SCHIP1: variants seen among roughly 807,000 people sequenced by gnomAD.
SCHIP1 encodes schwannomin interacting protein 1, also known as schwannomin-interacting protein 1.
SCHIP1 carries 8 observed loss-of-function variants against 29.7 expected under a neutral mutation model. The observed-to-expected ratio is 0.27, with a 90% CI of 0.16 to 0.49. The LOEUF is 0.49. Ranked by LOEUF, SCHIP1 falls within the 20% of genes least tolerant of loss-of-function variation. SCHIP1 has a pLI of 0.99. For missense variants in SCHIP1, 193 were observed against 294.6 expected (o/e 0.66, Z 2.52); for synonymous variants, 76 against 94.9 (o/e 0.80, Z 1.16).
the SCHIP1 span, chr3:159,274,883 T>A: frequency 1.5e-6 from 1 of 647,858 alleles, no homozygotes. Flanking sequence ...TTATTTCCTT[T>A]AGTAGTTTTC....
chr3:159,701,032 T>C, the SCHIP1 span, among the ~76,000 whole-genome samples: 1 of 152,114 alleles, frequency 6.6e-6, no homozygotes, highest in Non-Finnish European at 1.5e-5. Context: ...TGATTAAAGT[T>C]CCTATCTGAT....
chr3:159,746,295 T>C, the SCHIP1 span, among the ~76,000 whole-genome samples: 1 of 152,248 alleles, frequency 6.6e-6, no homozygotes, highest in African/African-American at 2.4e-5. Context: ...TTTCATTCAC[T>C]GAGAAGTTTA....
chr3:159,736,217 G>C, the SCHIP1 span, among the ~76,000 whole-genome samples: 2 of 152,070 alleles, frequency 1.3e-5, no homozygotes, highest in East Asian at 1.9e-4. Context: ...AAAAGAAGTC[G>C]ATGCTGAGGC....
the SCHIP1 span, among the ~76,000 whole-genome samples, chr3:159,782,351 C>CTACTATACCAAATAGCTGGAAGT: frequency 6.6e-6 from 1 of 152,230 alleles, no homozygotes; most frequent in Non-Finnish European, 1.5e-5. Context: ...CAGTTATAAA[C>CTACTATACCAAATAGCTGGAAGT]TACTATACCA....
the SCHIP1 span, among the ~76,000 whole-genome samples, chr3:159,660,656 G>A: frequency 1.3e-5 from 2 of 152,130 alleles, no homozygotes; most frequent in Non-Finnish European, 2.9e-5. Context: ...CTCAAGGCTC[G>A]AATTAATAAA....
chr3:159,711,233 C>T, the SCHIP1 span, among the ~76,000 whole-genome samples: 4 of 125,874 alleles, frequency 3.2e-5, 1 homozygote, highest in African/African-American at 8.5e-5. Context: ...TAGTGGCGGG[C>T]GCCTGTAGTC....
At chr3:159,370,676 C>CA in the SCHIP1 span, among the ~76,000 whole-genome samples, 6 of 151,962 alleles carry the variant, frequency 3.9e-5, no homozygotes, top group East Asian at 1.9e-4. Context: ...CCAGAGAGAA[C>CA]AAAAAAGTGG....
At chr3:159,405,899 A>G in the SCHIP1 span, among the ~76,000 whole-genome samples, 1 of 151,420 alleles carries the variant, frequency 6.6e-6, no homozygotes, top group Non-Finnish European at 1.5e-5. Context: ...AAAAAAAGAA[A>G]AGAAAAGGAA....
At chr3:159,314,922 A>G in the SCHIP1 span, among the ~76,000 whole-genome samples, 19 of 152,108 alleles carry the variant, frequency 1.2e-4, no homozygotes, top group Admixed American at 1.2e-3. Context: ...GGGCATTTGG[A>G]TTATTTCCAG....
the SCHIP1 span, among the ~76,000 whole-genome samples, chr3:159,394,595 C>G: frequency 3.3e-5 from 5 of 151,916 alleles, no homozygotes; most frequent in Non-Finnish European, 7.4e-5. Context: ...GTCTTTGGCT[C>G]TGTTTATATG....
chr3:159,378,169 T>C, the SCHIP1 span, among the ~76,000 whole-genome samples: 1 of 152,202 alleles, frequency 6.6e-6, no homozygotes, highest in South Asian at 2.1e-4. Context: ...GTATTCTTAT[T>C]ACCTAATTTG....
the SCHIP1 span, among the ~76,000 whole-genome samples, chr3:159,446,221 C>G: frequency 6.6e-6 from 1 of 151,918 alleles, no homozygotes; most frequent in Admixed American, 6.6e-5. Flanking sequence ...CACATACATG[C>G]AAACACACAC....
At chr3:159,347,768 A>G in the SCHIP1 span, among the ~76,000 whole-genome samples, 8 of 152,174 alleles carry the variant, frequency 5.3e-5, no homozygotes, top group African/African-American at 1.9e-4. Flanking sequence ...AGAAGCTCAC[A>G]ATTTCCTTTT....
At chr3:159,676,180 G>T in the SCHIP1 span, among the ~76,000 whole-genome samples, 1 of 152,194 alleles carries the variant, frequency 6.6e-6, no homozygotes, top group Admixed American at 6.5e-5. Context: ...GATATGGGAG[G>T]GGTACTGGGC....
chr3:159,317,114 A>T, the SCHIP1 span, among the ~76,000 whole-genome samples: 1 of 152,198 alleles, frequency 6.6e-6, no homozygotes, highest in Non-Finnish European at 1.5e-5. Context: ...CCTTAATCAC[A>T]GAGCATGGTA....
At chr3:159,889,003 T>G in intron 5 of SCHIP1, 60 bp downstream of exon 6, 1 of 1,546,724 alleles carries the variant, frequency 6.5e-7, no homozygotes, top group Non-Finnish European at 8.7e-7. Context: ...GGGATAATGC[T>G]GCTTCCTTGG....
chr3:159,588,243 G>A, the SCHIP1 span, among the ~76,000 whole-genome samples: 2 of 152,250 alleles, frequency 1.3e-5, 1 homozygote, highest in Middle Eastern at 6.8e-3. Flanking sequence ...TTTTTCATGT[G>A]TCTGTTGGCT....
the SCHIP1 span, among the ~76,000 whole-genome samples, chr3:159,528,579 C>CATAG: frequency 1.3e-5 from 2 of 152,332 alleles, no homozygotes; most frequent in Non-Finnish European, 2.9e-5. Context: ...CCACCACACA[C>CATAG]ATAGCCCAGA....
At chr3:159,473,200 T>C in the SCHIP1 span, among the ~76,000 whole-genome samples, 1 of 152,212 alleles carries the variant, frequency 6.6e-6, no homozygotes. Flanking sequence ...AAAAGTTGTA[T>C]AATTTATCTA....
Sources: allele counts gnomAD v4.1 joint callset (sites outside exome capture counted in the v4.1 genomes callset), GRCh38; gene constraint gnomAD v4.1.1; transcripts MANE v1.5; gene names NCBI Gene and HGNC (gene_info 2026-07-23, HGNC 2026-07-21).